SLC22A8: variants seen among roughly 807,000 people sequenced by gnomAD.
The protein encoded by SLC22A8 is solute carrier family 22 member 8.
SLC22A8 carries 40 observed loss-of-function variants against 48.4 expected under a neutral mutation model. The ratio of observed to expected loss-of-function variants is 0.83; its 90% CI spans 0.64 to 1.08. SLC22A8 has a LOEUF of 1.08. Ranked by LOEUF, SLC22A8 falls within the 50% of genes least tolerant of loss-of-function variation. The pLI, the probability that SLC22A8 is intolerant of heterozygous loss-of-function variation, is 0.00. For synonymous variants in SLC22A8, 268 were observed against 286.3 expected, an observed-to-expected ratio of 0.94 and a Z score of 0.65; for missense variants, 606 against 699.0, an observed-to-expected ratio of 0.87 and a Z score of 1.50.
intron 5 of SLC22A8, among the ~76,000 whole-genome samples, chr11:62,997,290 T>C (rs2086433505): frequency 6.6e-6 from 1 of 152,172 alleles, no homozygotes; most frequent in Non-Finnish European, 1.5e-5. Context: ...AATGGCATGA[T>C]CTCTGCTCAC....
intron 2 of SLC22A8, among the ~76,000 whole-genome samples, chr11:63,008,991 ACCT>A (rs2086586781): frequency 6.6e-6 from 1 of 151,632 alleles, no homozygotes; most frequent in Non-Finnish European, 1.5e-5. Flanking sequence ...GGAAGGTCCC[ACCT>A]CCTCCTGCGC....
chr11:63,003,986 A>C (rs1434581079), intron 2 of SLC22A8, among the ~76,000 whole-genome samples: 1 of 152,228 alleles, frequency 6.6e-6, no homozygotes, highest in Non-Finnish European at 1.5e-5. Context: ...CTATCCTGAT[A>C]CATCCCATAA....
chr11:62,998,293 T>C (rs2086447675), intron 5 of SLC22A8, among the ~76,000 whole-genome samples: 1 of 152,156 alleles, frequency 6.6e-6, no homozygotes, highest in African/African-American at 2.4e-5. Context: ...TGTCTTTCAG[T>C]GTGGCCTCGG....
Position 62,993,797 on chromosome 11 carries a change from G to T in SLC22A8, c.1298C>A (p.Thr433Lys), listed in dbSNP as rs745495393. 1 of 1,613,480 alleles carries T rather than the reference G, an allele frequency of 6.2e-7. No individual in the cohort carries two copies. Among genetic ancestry groups the T allele is most frequent in the Non-Finnish European group, 8.5e-7 (1 of 1,179,354 alleles). The change falls in exon 9 of 11, where the codon ACA (threonine) becomes AAA (lysine). Residue 433 changes from threonine (T) to lysine (K), a missense_variant. Thr to Lys is a moderately conservative substitution (Grantham distance 78, BLOSUM62 -1). Coordinates refer to ENST00000336232, the MANE Select transcript of SLC22A8 (RefSeq NM_004254.4). Reference sequence around the variant, plus strand: ...GATGACTGTGGGGTATAATTCACTTGTGTAGAGGAAGAGGCAGCTGAAGGA... The same window carrying T: ...GATGACTGTGGGGTATAATTCACTTTTGTAGAGGAAGAGGCAGCTGAAGGA... The part of the protein sequence containing the change: ...SSSFSCLFLY[T>K]SELYPTVIRQ...
At position 62,996,087 on chromosome 11, in the gene SLC22A8, A is replaced by G; in HGVS notation, c.827T>C (p.Leu276Pro). The G allele has an allele frequency of 6.2e-7, 1 of 1,614,034 alleles. No individual in the cohort carries two copies. Among genetic ancestry groups the G allele is most frequent in the Non-Finnish European group, 8.5e-7 (1 of 1,179,956 alleles). ...SGKSSKALKILRRVAVFNGKK... is the reference protein window; with the variant it reads ...SGKSSKALKIPRRVAVFNGKK... ...GCCATTGAAGACAGCCACCCGCCGGAGTATCTTCAGGGCCTTCGAGGACTT... is the reference window on the plus strand; with the variant it reads ...GCCATTGAAGACAGCCACCCGCCGGGGTATCTTCAGGGCCTTCGAGGACTT... The change falls in exon 6 of 11, where the codon CTC becomes CCC. Residue 276 changes from leucine to proline, a missense_variant. Physicochemically the swap from Leu to Pro is moderately conservative, Grantham distance 98 (BLOSUM62 -3). Transcript: ENST00000336232.
intron 5 of SLC22A8, 31 bp from the exon 6 acceptor site, chr11:62,996,183 C>T: frequency 1.3e-6 from 2 of 1,568,052 alleles, no homozygotes; most frequent in Non-Finnish European, 1.7e-6. Context: ...ACAGTGGCTC[C>T]TCCCACTCCA....
At chr11:62,999,120 G>T in intron 4 of SLC22A8, 31 bp from the exon 5 acceptor site, 1 of 1,592,114 alleles carries the variant, frequency 6.3e-7, no homozygotes, top group East Asian at 2.3e-5. Context: ...CCAGATTAGT[G>T]TTCTGCTAGG....
At chr11:63,002,255 C>A (rs1285671305) in intron 2 of SLC22A8, among the ~76,000 whole-genome samples, 4 of 151,962 alleles carry the variant, frequency 2.6e-5, no homozygotes, top group African/African-American at 2.4e-5. Context: ...TTTTAATTGG[C>A]AAATCATAAT....
At chr11:63,005,888 G>A (rs1340584080) in intron 2 of SLC22A8, among the ~76,000 whole-genome samples, 3 of 152,102 alleles carry the variant, frequency 2.0e-5, no homozygotes, top group African/African-American at 7.2e-5. Flanking sequence ...CTTTGTTATG[G>A]TAGCCCTAGG....
chr11:63,008,308 C>T (rs2086579505), intron 2 of SLC22A8, among the ~76,000 whole-genome samples: 1 of 152,202 alleles, frequency 6.6e-6, no homozygotes, highest in African/African-American at 2.4e-5. Flanking sequence ...CTGGCTGAAC[C>T]AGGAAACAGC....
At chr11:63,004,829 G>GA (rs1447196730) in intron 2 of SLC22A8, among the ~76,000 whole-genome samples, 1 of 152,242 alleles carries the variant, frequency 6.6e-6, no homozygotes, top group Admixed American at 6.5e-5. Context: ...ACATTCCACA[G>GA]AAAGAACAGA....
Position 62,999,762 on chromosome 11 carries a change from A to T in SLC22A8, c.518T>A (p.Phe173Tyr), listed in dbSNP as rs771205026. 1.2e-6 allele frequency: 2 copies of T among 1,607,818 alleles called. No individual in the cohort carries two copies. The highest frequency in any genetic ancestry group is 1.7e-6 in the Non-Finnish European group (2 of 1,176,940). The change falls in exon 4 of 11, where the codon TTC becomes TAC. Residue 173 changes from phenylalanine (F) to tyrosine (Y), a missense_variant. By Grantham distance (22) the Phe-to-Tyr change is conservative. Transcript: ENST00000336232. ...SGSGAAFSPT[F>Y]PIYMVFRFLC... ...GAAGCGGAAGACCATGTAGATGGGG[A>T]AGGTGGGGCTGAAGGCTGCACCGGA...
chr11:63,000,908 G>C (rs1590693829), intron 2 of SLC22A8, 85 bp from the exon 3 acceptor site: 1 of 1,031,508 alleles, frequency 9.7e-7, no homozygotes, highest in East Asian at 2.4e-5. Context: ...ATACATGTGG[G>C]CTTCCTCTCC....
intron 5 of SLC22A8, among the ~76,000 whole-genome samples, chr11:62,997,832 A>T (rs1004097195): frequency 6.6e-6 from 1 of 152,250 alleles, no homozygotes; most frequent in Non-Finnish European, 1.5e-5. Context: ...CATGAGGATC[A>T]GAGACGACGT....
chr11:62,994,049 C>G (rs988971174), intron 8 of SLC22A8, 171 bp from the exon 9 acceptor site: 5 of 612,204 alleles, frequency 8.2e-6, no homozygotes, highest in Non-Finnish European at 1.2e-5. Context: ...TGTGTTTTCC[C>G]CTGCCTCTGA....
At chr11:62,995,382 G>C (rs577999211) in intron 7 of SLC22A8, 15 of 412,734 alleles carry the variant, frequency 3.6e-5, no homozygotes, top group Middle Eastern at 6.7e-4. Flanking sequence ...CTGACCCAGA[G>C]GGGGGCAGTG....
Position 62,994,596 on chromosome 11 carries a change from C to A in SLC22A8, c.1162G>T (p.Ala388Ser), listed in dbSNP as rs755584994. The A allele has an allele frequency of 8.7e-6, 14 of 1,613,666 alleles. No homozygotes were observed. The highest frequency in any genetic ancestry group is 1.3e-5 in the African/African-American group (1 of 74,942). ...SYLGRHTTQA[A>S]ALLLAGGAIL... ...GCCCCTCCTGCCAGGAGCAGGGCAG[C>A]GGCCTGAGTGGTATGCCGGCCCAGG... The change falls in exon 8 of 11, where the codon GCT (alanine) becomes TCT (serine). Residue 388 changes from alanine (A) to serine (S), a missense_variant. Ala to Ser is a moderately conservative substitution (Grantham distance 99). Coordinates refer to ENST00000336232, the MANE Select transcript of SLC22A8 (RefSeq NM_004254.4).
chr11:63,007,603 A>G (rs2086570744), intron 2 of SLC22A8, among the ~76,000 whole-genome samples: 1 of 152,216 alleles, frequency 6.6e-6, no homozygotes. Context: ...CTGGGATTAC[A>G]GGCATAAGCC....
chr11:63,011,990 CTTTTTTTT>C (rs763880600), intron 2 of SLC22A8, among the ~76,000 whole-genome samples: 3 of 141,398 alleles, frequency 2.1e-5, no homozygotes, highest in Non-Finnish European at 4.7e-5. Context: ...CTCTCTTTTT[CTTTTTTTT>C]TTTTTTTGAG....
Sources: gnomAD v4.1 joint callset for allele counts (sites outside exome capture counted in the v4.1 genomes callset) on GRCh38, gnomAD v4.1.1 for gene constraint, MANE v1.5 for transcripts, NCBI Gene and HGNC (gene_info 2026-07-23, HGNC 2026-07-21) for gene names.